The following ITGA2B variants were observed in gnomAD, a reference collection of about 807,000 sequenced individuals.
ITGA2B encodes integrin alpha-IIb.
ITGA2B carries 91 observed loss-of-function variants against 142.0 expected under a neutral mutation model. The observed-to-expected ratio is 0.64, with a 90% CI of 0.54 to 0.76. The LOEUF (loss-of-function observed/expected upper bound fraction) is 0.76. Among genes scored for constraint, ITGA2B ranks in the 30% least tolerant of loss-of-function variants. ITGA2B has a pLI of 0.00. For missense variants in ITGA2B, 1,231 were observed against 1,350.8 expected (o/e 0.91, Z 1.39); for synonymous variants, 536 against 567.2 (o/e 0.94, Z 0.78).
In ITGA2B at chr17:44,379,189, C is replaced by T. The variant is rs566040396; in HGVS notation, c.1879-479G>A. Among the ~76,000 whole-genome samples the T allele has an allele frequency of 2.8e-3, 415 of 150,020 alleles. 4 individuals are homozygous for T. Among genetic ancestry groups the T allele is most frequent in the African/African-American group, 9.9e-3 (402 of 40,658 alleles). ...CAGGATGGTCTTGATCTCCTGACCT[C>T]GTGATCCACCCGCCTTGGCCTCCCA... is the stretch of plus-strand genomic sequence containing the variant. On this transcript the variant is annotated intron_variant, in intron 18 of 29. Coordinates refer to ENST00000262407, the MANE Select transcript of ITGA2B (RefSeq NM_000419.5).
chr17:44,385,114 G>T (rs748572066), intron 6 of ITGA2B, 38 bp from the exon 7 acceptor site: 8 of 1,613,976 alleles, frequency 5.0e-6, no homozygotes, highest in African/African-American at 1.3e-5. Flanking sequence ...AGCCCAAAGC[G>T]GTCTCCTTGG....
At position 44,384,075 on chromosome 17, in the gene ITGA2B, T is replaced by G. The variant is rs886053008; in HGVS notation, c.945+10A>C. The G allele has an allele frequency of 5.0e-6, 8 of 1,613,750 alleles. No individual in the cohort carries two copies. The highest frequency in any genetic ancestry group is 6.8e-6 in the Non-Finnish European group (8 of 1,179,904). The stretch of plus-strand genomic sequence containing the variant: ...CCACCCAGCCACGCCCACTGGGACC[T>G]GGCCCCCACCTGCTCTCCGCGCAGC... On this transcript the variant is annotated intron_variant, in intron 10 of 29. Transcript: ENST00000262407.
chr17:44,385,946 G>A (rs975442902), intron 2 of ITGA2B, 25 bp from the exon 3 acceptor site: 3 of 1,614,094 alleles, frequency 1.9e-6, no homozygotes, highest in Non-Finnish European at 2.5e-6. Context: ...AAGGGGTGGG[G>A]CGCTGAAGCC....
rs1028948312 is a variant in ITGA2B, at chr17:44,374,983, C to A, written c.2841+15G>T. 4 of 1,526,062 alleles carry A rather than the reference C, an allele frequency of 2.6e-6. No homozygotes were observed. Among genetic ancestry groups the A allele is most frequent in the Non-Finnish European group, 3.5e-6 (4 of 1,135,070 alleles). The allele number at this position is 1,526,062 out of a possible 1,614,324, so 94.5% of individuals were successfully genotyped here. On this transcript the variant is annotated intron_variant, in intron 27 of 29. Coordinates refer to ENST00000262407, the MANE Select transcript of ITGA2B (RefSeq NM_000419.5). ...CCCAGAAGGCCCGGCCCCGCCCCAC[C>A]ACGGCCCACCCCACCTGGTAGAGGC...
intron 1 of ITGA2B, among the ~76,000 whole-genome samples, chr17:44,386,343 C>T (rs1350321750): frequency 1.3e-5 from 2 of 152,186 alleles, no homozygotes; most frequent in African/African-American, 2.4e-5. Flanking sequence ...GCTAAAGTAA[C>T]CCAGTGAGTT....
chr17:44,383,453 T>C (rs748960272), intron 12 of ITGA2B, 40 bp downstream of exon 12: 19 of 1,562,566 alleles, frequency 1.2e-5, no homozygotes, highest in Non-Finnish European at 1.6e-5. Context: ...GAGTGGCTGT[T>C]AACCCCTCTG....
rs1323797371 is a variant in ITGA2B at position 44,385,075 on chromosome 17, A to G, written c.672T>C (p.Gly224=). The G allele has an allele frequency of 6.2e-7, 1 of 1,613,676 alleles. No individual in the cohort carries two copies. Among genetic ancestry groups the G allele is most frequent in the East Asian group, 2.2e-5 (1 of 44,874 alleles). ...LGAPGGYYFL[G]LLAQAPVADI... ...CCGCAACTGGAGCCTGGGCCAGGAGACCTAGGGCGGGAGGGACAGCGGGTG... is the reference window on the plus strand; with the variant it reads ...CCGCAACTGGAGCCTGGGCCAGGAGGCCTAGGGCGGGAGGGACAGCGGGTG... The change falls in exon 7 of 30, where the codon GGT becomes GGC. Residue 224 remains glycine, a splice_region_variant and synonymous_variant. Transcript: ENST00000262407.
At chr17:44,372,481 A>T in intron 29 of ITGA2B, 58 bp from the exon 30 acceptor site, 1 of 1,518,784 alleles carries the variant, frequency 6.6e-7, no homozygotes, top group Non-Finnish European at 9.1e-7. Context: ...GCCCCAGAGC[A>T]CATGTGAGGA....
At chr17:44,380,826 G>A (rs2048589987) in intron 13 of ITGA2B, 53 bp downstream of exon 13, 4 of 1,606,178 alleles carry the variant, frequency 2.5e-6, no homozygotes, top group Non-Finnish European at 3.4e-6. Context: ...CACTTCCAGC[G>A]AATGTCCAAG....
Position 44,378,707 on chromosome 17 carries a change from G to T in ITGA2B, c.1882C>A (p.Arg628=). Residue 628 remains arginine (R), a synonymous_variant, in exon 19 of 30, where the codon CGA becomes AGA. Transcript: ENST00000262407. The part of the protein sequence containing the change: ...HGDTHVQEQT[R]IVLDCGEDDV... Reference sequence around the variant, plus strand: ...TCTTCCCCACAGTCCAGGACGATTCGTGTCTAGAGGGGCACATTGGGGTGT... The same window carrying T: ...TCTTCCCCACAGTCCAGGACGATTCTTGTCTAGAGGGGCACATTGGGGTGT... The T allele has an allele frequency of 1.3e-6, 2 of 1,555,712 alleles. No individual in the cohort carries two copies. Among genetic ancestry groups the T allele is most frequent in the Non-Finnish European group, 1.7e-6 (2 of 1,148,938 alleles).
rs1418633358 is a variant in ITGA2B, at chr17:44,375,671, C to T, written c.2647G>A (p.Ala883Thr). The T allele has an allele frequency of 6.2e-7, 1 of 1,608,058 alleles. No homozygotes were observed. Among genetic ancestry groups the T allele is most frequent in the East Asian group, 2.2e-5 (1 of 44,712 alleles). ...TGTCTGCGATCCCGCTTGTGATGGG[C>T]CGGGTGAATGGGGGAGGGGCTGGGG... ...PIPSPSPIHP[A>T]HHKRDRRQIF... Residue 883 changes from alanine (A) to threonine (T), a missense_variant, in exon 26 of 30, where the codon GCC (alanine) becomes ACC (threonine). Ala to Thr is a moderately conservative substitution (Grantham distance 58, BLOSUM62 0). Transcript: ENST00000262407.
chr17:44,380,663 T>A lies in ITGA2B; in HGVS notation c.1394-18A>T. The A allele has an allele frequency of 6.2e-7, 1 of 1,614,194 alleles. No individual in the cohort carries two copies. Among genetic ancestry groups the A allele is most frequent in the Admixed American group, 1.7e-5 (1 of 60,024 alleles). ...GATCAGGTCTATAGACATCGAGGAA[T>A]GGGTCAGAATTGGCGATTAGGGCAT... On this transcript the variant is annotated intron_variant, in intron 13 of 29. Transcript: ENST00000262407.
At chr17:44,388,513 C>G (rs190543465) in intron 1 of ITGA2B, among the ~76,000 whole-genome samples, 1 of 150,684 alleles carries the variant, frequency 6.6e-6, no homozygotes, top group Non-Finnish European at 1.5e-5. Flanking sequence ...TGCGGCACCA[C>G]GCCCGGCTAA....
Position 44,383,897 on chromosome 17 carries a change from T to C in ITGA2B, c.995A>G (p.Asp332Gly). ...GGTGGGGCATGTCCCTCCTCACCCA[T>C]CCCCGTTGACGTCAGTGACAGCCAC... ...HSVAVTDVNG[D>G]GRHDLLVGAP... The change falls in exon 11 of 30, where the codon GAT becomes GGT. Residue 332 changes from aspartate to glycine, a missense_variant. Coordinates refer to ENST00000262407, the MANE Select transcript of ITGA2B (RefSeq NM_000419.5). 2 of 1,613,542 alleles carry C rather than the reference T, an allele frequency of 1.2e-6. No individual in the cohort carries two copies. Among genetic ancestry groups the C allele is most frequent in the South Asian group, 2.2e-5 (2 of 91,038 alleles).
intron 28 of ITGA2B, 42 bp downstream of exon 28, chr17:44,374,617 G>A (rs372198109): frequency 2.2e-5 from 34 of 1,573,654 alleles, no homozygotes; most frequent in Non-Finnish European, 2.8e-5. Flanking sequence ...GGGGACAATG[G>A]GTCCTGCAGG....
chr17:44,374,173 T>A, intron 29 of ITGA2B, 181 bp downstream of exon 29: 1 of 676,758 alleles, frequency 1.5e-6, no homozygotes, highest in Non-Finnish European at 2.7e-6. Context: ...CCCAAAGTGC[T>A]GGGATTACAG....
At chr17:44,381,947 C>A (rs1464347554) in intron 12 of ITGA2B, among the ~76,000 whole-genome samples, 5 of 152,122 alleles carry the variant, frequency 3.3e-5, no homozygotes, top group Admixed American at 1.3e-4. Flanking sequence ...CTATTTCTAG[C>A]CTTCTCCATT....
chr17:44,383,620 C>A lies in ITGA2B; in HGVS notation c.1083G>T (p.Leu361Phe), dbSNP rs768767372. The A allele has an allele frequency of 1.9e-6, 3 of 1,607,188 alleles. No individual in the cohort carries two copies. The highest frequency in any genetic ancestry group is 2.5e-6 in the Non-Finnish European group (3 of 1,177,464). Reference sequence around the variant, plus strand: ...CGTGGGGGCCTCGCGGCTGCAGGAACAAATACACACGCCCCACTTCGGCCA... The same window carrying A: ...CGTGGGGGCCTCGCGGCTGCAGGAAAAAATACACACGCCCCACTTCGGCCA... ...RKLAEVGRVY[L>F]FLQPRGPHAL... Residue 361 changes from leucine (L) to phenylalanine (F), a missense_variant, in exon 12 of 30, where the codon TTG (leucine) becomes TTT (phenylalanine). Around this residue, in one of 3 missense-constraint regions of ITGA2B, gnomAD observed 908 missense variants for 1,021.1 expected, o/e 0.89. Coordinates refer to ENST00000262407, the MANE Select transcript of ITGA2B (RefSeq NM_000419.5).
At chr17:44,387,826 C>CAAAAA (rs980395817) in intron 1 of ITGA2B, among the ~76,000 whole-genome samples, 85 of 24,518 alleles carry the variant, frequency 3.5e-3, no homozygotes, top group African/African-American at 5.6e-3. Context: ...AACCCCATCT[C>CAAAAA]AAAAAAAAAA....
Sources: gnomAD v4.1 joint callset for allele counts (sites outside exome capture counted in the v4.1 genomes callset) on GRCh38, gnomAD v4.1.1 for gene constraint, gnomAD v4.1.1 regional missense constraint, MANE v1.5 for transcripts, NCBI Gene and HGNC (gene_info 2026-07-23, HGNC 2026-07-21) for gene names.